The following SEMA4A variants were observed in gnomAD, a reference collection of about 807,000 sequenced individuals.
The protein encoded by SEMA4A is semaphorin-4A.
In SEMA4A, 52 loss-of-function variants were observed where a neutral mutation model predicts 72.5. The ratio of observed to expected loss-of-function variants is 0.72; its 90% CI spans 0.57 to 0.90. The LOEUF (loss-of-function observed/expected upper bound fraction) is 0.90, where lower values mean the gene tolerates loss of function less well. Ranked by LOEUF, SEMA4A falls within the 40% of genes least tolerant of loss-of-function variation. The pLI is 0.00. For missense variants in SEMA4A, 926 were observed against 959.7 expected (o/e 0.96, Z 0.46); for synonymous variants, 369 against 393.1 (o/e 0.94, Z 0.73).
chr1:156,161,551 C>T (rs2102961875), intron 9 of SEMA4A, 33 bp downstream of exon 9: 1 of 1,611,536 alleles, frequency 6.2e-7, no homozygotes, highest in East Asian at 2.2e-5. Context: ...GGGGGCTGGA[C>T]ACGGGACTTG....
At position 156,177,056 on chromosome 1, in the gene SEMA4A, C is replaced by T; in HGVS notation, c.*59C>T. On this transcript the variant is annotated 3_prime_UTR_variant, in exon 15 of 15. Transcript: ENST00000368285. The stretch of plus-strand genomic sequence containing the variant: ...ACCTGGCCATGCTGGCTGGGCGGCC[C>T]AAGCACAGCCCTGACTAGGATGACA... 6.9e-7 allele frequency: 1 copy of T among 1,442,576 alleles called. No homozygotes were observed. Among genetic ancestry groups the T allele is most frequent in the South Asian group, 1.1e-5 (1 of 87,084 alleles). The allele number at this position is 1,442,576 out of a possible 1,614,324, so 89.4% of individuals were successfully genotyped here.
At chr1:156,172,449 G>C (rs1342626832) in intron 10 of SEMA4A, among the ~76,000 whole-genome samples, 1 of 152,176 alleles carries the variant, frequency 6.6e-6, no homozygotes, top group Non-Finnish European at 1.5e-5. Context: ...AGGAGGCTTC[G>C]TCCTGCTTCC....
upstream of SEMA4A, among the ~76,000 whole-genome samples, chr1:156,150,984 C>G (rs1363368926): frequency 6.6e-6 from 1 of 152,116 alleles, no homozygotes; most frequent in Admixed American, 6.5e-5. Flanking sequence ...AACATCTGAC[C>G]CCTTCCCACT....
At chr1:156,167,509 A>C (rs1281510274) in intron 10 of SEMA4A, among the ~76,000 whole-genome samples, 1 of 151,712 alleles carries the variant, frequency 6.6e-6, no homozygotes, top group Non-Finnish European at 1.5e-5. Flanking sequence ...AGAAAAGAAA[A>C]GAAAAAGAAA....
chr1:156,160,978 G>A lies in SEMA4A; in HGVS notation c.759G>A (p.Glu253=), dbSNP rs755852555. 1.2e-6 allele frequency: 2 copies of A among 1,612,630 alleles called. No individual in the cohort carries two copies. Among genetic ancestry groups the A allele is most frequent in the South Asian group, 1.1e-5 (1 of 90,954 alleles). The change falls in exon 8 of 15, where the codon GAG becomes GAA. Residue 253 remains glutamate (E), a synonymous_variant. Coordinates refer to ENST00000368285, the MANE Select transcript of SEMA4A (RefSeq NM_022367.4). ...VYFFFEETAS[E]FDFFERLHTS... ...TCTTCTTCGAGGAGACAGCCAGCGAGTTTGACTTCTTTGAGAGGCTCCACA... is the reference window on the plus strand; with the variant it reads ...TCTTCTTCGAGGAGACAGCCAGCGAATTTGACTTCTTTGAGAGGCTCCACA...
intron 6 of SEMA4A, chr1:156,159,031 C>CTAAA: frequency 1.0e-5 from 3 of 286,316 alleles, no homozygotes; most frequent in Non-Finnish European, 1.9e-5. Context: ...GAGATCGTCT[C>CTAAA]AAAAAAAAAA....
upstream of SEMA4A, among the ~76,000 whole-genome samples, chr1:156,152,492 G>C (rs891385322): frequency 3.3e-5 from 5 of 152,190 alleles, no homozygotes; most frequent in Non-Finnish European, 7.4e-5. Flanking sequence ...AGAAGGTAGG[G>C]TCTGGATAAA....
chr1:156,155,425 G>A (rs1558145861), intron 2 of SEMA4A: 2 of 152,638 alleles, frequency 1.3e-5, no homozygotes, highest in Non-Finnish European at 2.9e-5. Flanking sequence ...TTGGATGCTG[G>A]GCGCACAAAC....
intron 11 of SEMA4A, among the ~76,000 whole-genome samples, chr1:156,174,283 G>A (rs760432390): frequency 5.3e-5 from 8 of 152,238 alleles, no homozygotes; most frequent in Non-Finnish European, 1.0e-4. Context: ...AGCTGTGCAT[G>A]TATTGGGTAT....
Position 156,174,847 on chromosome 1 carries a change from G to A in SEMA4A, c.1341G>A (p.Val447=), listed in dbSNP as rs568098793. 6.2e-7 allele frequency: 1 copy of A among 1,614,198 alleles called. No individual in the cohort carries two copies. Among genetic ancestry groups the A allele is most frequent in the South Asian group, 1.1e-5 (1 of 91,084 alleles). ...GTTTGSLHKA[V]VSGDSSAHLV... ...CCACAGGGTCGCTCCACAAGGCTGT[G>A]GTAAGTGGGGACAGCAGTGCTCATC... Residue 447 remains valine, a synonymous_variant, in exon 12 of 15, where the codon GTG becomes GTA. Coordinates refer to ENST00000368285, the MANE Select transcript of SEMA4A (RefSeq NM_022367.4).
At chr1:156,162,919 C>A in intron 9 of SEMA4A, 25 bp from the exon 10 acceptor site, 1 of 1,612,808 alleles carries the variant, frequency 6.2e-7, no homozygotes. Context: ...AGACCACAGA[C>A]AATGTTCCCT....
chr1:156,152,924 A>T (rs1351749495), upstream of SEMA4A, among the ~76,000 whole-genome samples: 8 of 152,146 alleles, frequency 5.3e-5, no homozygotes, highest in East Asian at 1.2e-3. Flanking sequence ...TTGGCGCTGG[A>T]TGCCTCATTA....
At chr1:156,152,733 A>C (rs74116499), upstream of SEMA4A, among the ~76,000 whole-genome samples, 20,930 of 152,200 alleles carry the variant, frequency 0.14, 3,673 homozygotes, top group African/African-American at 0.41. Context: ...GTGCTGTAGC[A>C]GGAGGGATGG....
At chr1:156,152,259 G>T (rs1157781714), upstream of SEMA4A, among the ~76,000 whole-genome samples, 1 of 152,210 alleles carries the variant, frequency 6.6e-6, no homozygotes, top group Admixed American at 6.5e-5. Context: ...CCGGAGTTGG[G>T]AGAATTCTGG....
At chr1:156,148,551 AG>A (rs1652274767), upstream of SEMA4A, among the ~76,000 whole-genome samples, 1 of 152,228 alleles carries the variant, frequency 6.6e-6, no homozygotes, top group East Asian at 1.9e-4. Context: ...GGCCGACACC[AG>A]CACACTCATT....
Position 156,161,530 on chromosome 1 carries a change from G to A in SEMA4A, c.983+12G>A. 6.2e-7 allele frequency: 1 copy of A among 1,613,590 alleles called. No homozygotes were observed. Among genetic ancestry groups the A allele is most frequent in the Non-Finnish European group, 8.5e-7 (1 of 1,179,848 alleles). ...TTCACCTCCCAGTGGTGAGCAGCAG[G>A]GCTGGACCATGGGGGCTGGACACGG... On this transcript the variant is annotated intron_variant, in intron 9 of 14. Transcript: ENST00000368285.
rs763497718 is a variant in SEMA4A, at chr1:156,174,817, C to T, written c.1316-5C>T. ...ATGACTTCCACTCTCTCTGTCTCCC[C>T]ATAGCCACAGGGTCGCTCCACAAGG... On this transcript the variant is annotated splice_region_variant and splice_polypyrimidine_tract_variant and intron_variant, in intron 11 of 14. Transcript: ENST00000368285. 28 of 1,614,194 alleles carry T rather than the reference C, an allele frequency of 1.7e-5. 1 individual carries two copies. The highest frequency in any genetic ancestry group is 8.9e-5 in the East Asian group (4 of 44,890).
In SEMA4A at chr1:156,177,014, G is replaced by A. The variant is rs773560632; in HGVS notation, c.*17G>A. 18 of 1,600,696 alleles carry A rather than the reference G, an allele frequency of 1.1e-5. No homozygotes were observed. The highest frequency in any genetic ancestry group is 2.7e-5 in the African/African-American group (2 of 74,902). On this transcript the variant is annotated 3_prime_UTR_variant, in exon 15 of 15. Coordinates refer to ENST00000368285, the MANE Select transcript of SEMA4A (RefSeq NM_022367.4). ...GTAGCTTAAACTCTAGGCACAGGCC[G>A]GGGCTGCGGTGCAGGCACCTGGCCA...
chr1:156,163,817 A>C (rs1172933585), intron 10 of SEMA4A, among the ~76,000 whole-genome samples: 1 of 150,964 alleles, frequency 6.6e-6, no homozygotes, highest in Non-Finnish European at 1.5e-5. Flanking sequence ...CAGGAGGTTC[A>C]CTTGAGGCCA....
Sources: allele counts gnomAD v4.1 joint callset (sites outside exome capture counted in the v4.1 genomes callset), GRCh38; gene constraint gnomAD v4.1.1; transcripts MANE v1.5; gene names NCBI Gene and HGNC (gene_info 2026-07-23, HGNC 2026-07-21).